Variants in PRR14L observed in about 807,000 individuals in gnomAD.
PRR14L encodes the protein protein PRR14L.
PRR14L carries 80 observed loss-of-function variants against 155.0 expected under a neutral mutation model. That is an observed-to-expected ratio of 0.52 (90% CI 0.43 to 0.62). The LOEUF is 0.62. Among genes scored for constraint, PRR14L ranks in the 20% least tolerant of loss-of-function variants. The pLI is 0.00. For synonymous variants in PRR14L, 883 were observed against 916.0 expected (o/e 0.96, Z 0.65); for missense variants, 2,469 against 2,548.0 (o/e 0.97, Z 0.67).
intron 6 of PRR14L, among the ~76,000 whole-genome samples, chr22:31,702,215 C>CTGG (rs34197793): frequency 3.7e-4 from 56 of 149,354 alleles, no homozygotes; most frequent in Admixed American, 6.6e-4. Context: ...TCTATTCCTG[C>CTGG]TTTTTTTATT....
At chr22:31,703,200 G>A (rs1055038970) in intron 6 of PRR14L, among the ~76,000 whole-genome samples, 1 of 152,202 alleles carries the variant, frequency 6.6e-6, no homozygotes, top group Non-Finnish European at 1.5e-5. Flanking sequence ...CTGTCAACAT[G>A]AAAGTTTGCA....
Position 31,728,015 on chromosome 22 carries a change from G to C in PRR14L, c.475-2405C>G, listed in dbSNP as rs191351649. ...AAAAAGAAAAGAAATTGAATCAATC[G>C]ACAATAAAAGAGTGTGGGCTGAGGT... On this transcript the variant is annotated intron_variant, in intron 2 of 8. Coordinates refer to ENST00000327423, the MANE Select transcript of PRR14L (RefSeq NM_173566.3). 4.4e-3 allele frequency among the ~76,000 whole-genome samples: 671 copies of C among 151,420 alleles called. 6 individuals are homozygous for C. The highest frequency in any genetic ancestry group is 9.5e-3 in the East Asian group (49 of 5,146).
chr22:31,695,990 A>C (rs1404488140), intron 7 of PRR14L, among the ~76,000 whole-genome samples: 3 of 152,144 alleles, frequency 2.0e-5, no homozygotes, highest in South Asian at 2.1e-4. Context: ...CGTAATACTA[A>C]GGTAAAAATC....
At chr22:31,743,705 G>A (rs1214899171) in intron 1 of PRR14L, among the ~76,000 whole-genome samples, 3 of 151,794 alleles carry the variant, frequency 2.0e-5, no homozygotes, top group Non-Finnish European at 2.9e-5. Flanking sequence ...GGGAGGCTGA[G>A]GCAGGAGAAT....
intron 7 of PRR14L, among the ~76,000 whole-genome samples, chr22:31,690,168 C>T (rs1040793867): frequency 3.9e-5 from 6 of 152,178 alleles, no homozygotes; most frequent in Non-Finnish European, 7.3e-5. Context: ...TCACCCACCT[C>T]GGCCTCCCAA....
intron 2 of PRR14L, among the ~76,000 whole-genome samples, chr22:31,729,497 G>A (rs534783040): frequency 4.6e-5 from 7 of 152,158 alleles, no homozygotes; most frequent in Non-Finnish European, 7.4e-5. Context: ...GATTACAGGC[G>A]TGAGCCACCA....
chr22:31,720,812 T>C (rs1199028754), intron 3 of PRR14L, among the ~76,000 whole-genome samples: 1 of 152,176 alleles, frequency 6.6e-6, no homozygotes, highest in African/African-American at 2.4e-5. Context: ...CTTGACTACT[T>C]TCACCTCTTC....
At chr22:31,710,481 C>T (rs1426799051) in intron 4 of PRR14L, among the ~76,000 whole-genome samples, 1 of 150,840 alleles carries the variant, frequency 6.6e-6, no homozygotes, top group South Asian at 2.1e-4. Context: ...GAGACAGAGT[C>T]TCACTCTGTC....
chr22:31,715,109 T>A lies in PRR14L; in HGVS notation c.2730A>T (p.Val910=). Reference sequence around the variant, plus strand: ...ACTTACAAAATACAGTTTCTTTGGATACATCCTGCTCCTTTCCTTCCAGCC... The same window carrying A: ...ACTTACAAAATACAGTTTCTTTGGAAACATCCTGCTCCTTTCCTTCCAGCC... ...EEGLEGKEQD[V]SKETVFCKYN... is the part of the protein sequence containing the mutation. The change falls in exon 4 of 9, where the codon GTA becomes GTT. Residue 910 remains valine, a synonymous_variant. Transcript: ENST00000327423. 1.3e-6 allele frequency: 2 copies of A among 1,551,854 alleles called. No individual in the cohort carries two copies. Among genetic ancestry groups the A allele is most frequent in the Non-Finnish European group, 1.7e-6 (2 of 1,147,014 alleles).
At chr22:31,724,708 G>C (rs889660570) in intron 3 of PRR14L, among the ~76,000 whole-genome samples, 6 of 152,098 alleles carry the variant, frequency 3.9e-5, no homozygotes, top group African/African-American at 1.2e-4. Flanking sequence ...TGATGATTCT[G>C]TATTAGCCTT....
At chr22:31,747,037 C>T (rs1339258185) in intron 1 of PRR14L, among the ~76,000 whole-genome samples, 1 of 151,968 alleles carries the variant, frequency 6.6e-6, no homozygotes, top group Non-Finnish European at 1.5e-5. Context: ...ATCTCCTGAC[C>T]TTGTGATCCG....
chr22:31,705,089 G>C (rs2074582857), intron 4 of PRR14L, among the ~76,000 whole-genome samples: 1 of 152,022 alleles, frequency 6.6e-6, no homozygotes, highest in Non-Finnish European at 1.5e-5. Flanking sequence ...GCGAGACCTT[G>C]TTTCCACAAA....
At position 31,715,848 on chromosome 22, in the gene PRR14L, G is replaced by T; in HGVS notation, c.1991C>A (p.Ala664Glu). The T allele has an allele frequency of 6.4e-7, 1 of 1,551,542 alleles. No homozygotes were observed. Among genetic ancestry groups the T allele is most frequent in the African/African-American group, 1.4e-5 (1 of 73,166 alleles). The change falls in exon 4 of 9, where the codon GCA (alanine) becomes GAA (glutamate). Residue 664 changes from alanine (A) to glutamate (E), a missense_variant. This residue lies in a region of PRR14L where 2,363 missense variants were observed against 2,371.6 expected (regional missense o/e 1.00). Transcript: ENST00000327423. ...QQVSLNSQEH[A>E]NLPTDSLLHL... is the part of the protein sequence containing the mutation. ...CAGTAGAGAGTCAGTTGGCAAATTT[G>T]CATGTTCTTGAGAATTAAGGGACAC...
intron 4 of PRR14L, among the ~76,000 whole-genome samples, chr22:31,711,159 G>C (rs2074618810): frequency 6.6e-6 from 1 of 152,154 alleles, no homozygotes; most frequent in South Asian, 2.1e-4. Flanking sequence ...TTTGTTTTCT[G>C]CAAGATGGGC....
chr22:31,715,313 C>T lies in PRR14L; in HGVS notation c.2526G>A (p.Val842=), dbSNP rs1189901021. 1 of 1,552,024 alleles carries T rather than the reference C, an allele frequency of 6.4e-7. No individual in the cohort carries two copies. Among genetic ancestry groups the T allele is most frequent in the Non-Finnish European group, 8.7e-7 (1 of 1,147,060 alleles). Residue 842 remains valine (V), a synonymous_variant, in exon 4 of 9, where the codon GTG becomes GTA. Coordinates refer to ENST00000327423, the MANE Select transcript of PRR14L (RefSeq NM_173566.3). ...DHCCQGTGHS[V]EKSSCKVSYT... ...AACTCACTTTACAGCTGCTTTTTTC[C>T]ACAGAGTGTCCTGTTCCTTGGCAGC...
rs2074462388 is a variant in PRR14L at position 31,682,973 on chromosome 22, T to G, written c.*2554A>C. On this transcript the variant is annotated 3_prime_UTR_variant, in exon 9 of 9. Transcript: ENST00000327423. ...TGAGCGCAGCTGGAGCCTAGGTATA[T>G]ACATCACCTTCAGGTAAGTAATTTC... The G allele has an allele frequency of 6.6e-6, 1 of 152,220 alleles. No homozygotes were observed. The highest frequency in any genetic ancestry group is 1.5e-5 in the Non-Finnish European group (1 of 68,052). The allele number at this position is 152,220 out of a possible 1,614,324, so 9.4% of individuals were successfully genotyped here. A position where few individuals can be genotyped will look rare whatever the true frequency, so the allele number is the denominator to read the frequency against.
chr22:31,718,911 C>T (rs952345996), intron 3 of PRR14L, among the ~76,000 whole-genome samples: 1 of 151,338 alleles, frequency 6.6e-6, no homozygotes, highest in Admixed American at 6.6e-5. Context: ...CCATCTCTAC[C>T]GAAAATACAA....
At position 31,714,360 on chromosome 22, in the gene PRR14L, G is replaced by C; in HGVS notation, c.3479C>G (p.Ala1160Gly). Residue 1160 changes from alanine to glycine, a missense_variant, in exon 4 of 9, where the codon GCA becomes GGA. Physicochemically the swap from Ala to Gly is moderately conservative, Grantham distance 60. This residue lies in a region of PRR14L where 2,363 missense variants were observed against 2,371.6 expected (regional missense o/e 1.00). Transcript: ENST00000327423. ...TATTCTTTTATTTGGTTCATGATCTGCAACAGACTCCATCTCATGGGCACA... is the reference window on the plus strand; with the variant it reads ...TATTCTTTTATTTGGTTCATGATCTCCAACAGACTCCATCTCATGGGCACA... ...DSCAHEMESV[A>G]DHEPNKRILG... is the part of the protein sequence containing the mutation. 1.3e-6 allele frequency: 2 copies of C among 1,551,616 alleles called. No homozygotes were observed. The highest frequency in any genetic ancestry group is 3.3e-4 in the Middle Eastern group (2 of 5,992).
chr22:31,699,182 G>A (rs575331744), intron 7 of PRR14L, among the ~76,000 whole-genome samples: 136 of 152,076 alleles, frequency 8.9e-4, no homozygotes, highest in Non-Finnish European at 1.8e-3. Flanking sequence ...GATTACAGGC[G>A]TGTGCCACTA....
Sources: gnomAD v4.1 joint callset for allele counts (sites outside exome capture counted in the v4.1 genomes callset) on GRCh38, gnomAD v4.1.1 for gene constraint, gnomAD v4.1.1 regional missense constraint, MANE v1.5 for transcripts, NCBI Gene and HGNC (gene_info 2026-07-23, HGNC 2026-07-21) for gene names.